The following MLYCD variants were observed in gnomAD, a reference collection of about 807,000 sequenced individuals.
The protein encoded by MLYCD is malonyl-CoA decarboxylase.
MLYCD carries 27 observed loss-of-function variants against 35.8 expected under a neutral mutation model. That is an observed-to-expected ratio of 0.75 (90% CI 0.56 to 1.04). The LOEUF is 1.04. MLYCD is among the 50% of genes least tolerant of loss of function. The pLI, the probability that MLYCD is intolerant of heterozygous loss-of-function variation, is 0.00. For synonymous variants in MLYCD, 403 were observed against 302.4 expected (o/e 1.33, Z -3.45); for missense variants, 917 against 665.1 (o/e 1.38, Z -4.17).
chr16:83,914,815 AAAC>A (rs1201708919), intron 4 of MLYCD, 138 bp from the exon 5 acceptor site: 3 of 1,237,122 alleles, frequency 2.4e-6, no homozygotes, highest in East Asian at 4.7e-5. Context: ...GAAAGAAGAT[AAAC>A]AACATGTATC....
chr16:83,912,896 A>G (rs1205014095), intron 4 of MLYCD: 1 of 196,720 alleles, frequency 5.1e-6, no homozygotes, highest in Non-Finnish European at 1.1e-5. Context: ...CTTTTAATCT[A>G]ACTCTCCTCT....
chr16:83,911,957 C>G (rs954944964), intron 3 of MLYCD: 14 of 499,646 alleles, frequency 2.8e-5, no homozygotes, highest in Non-Finnish European at 4.0e-5. Flanking sequence ...ATACATTGCT[C>G]TTCAACAAAG....
At chr16:83,905,706 C>T (rs1906950356) in intron 1 of MLYCD, among the ~76,000 whole-genome samples, 1 of 152,246 alleles carries the variant, frequency 6.6e-6, no homozygotes, top group South Asian at 2.1e-4. Flanking sequence ...CAGGAGACCT[C>T]TGCTTACCCC....
chr16:83,905,298 T>TGAAA (rs1462292929), intron 1 of MLYCD, among the ~76,000 whole-genome samples: 1 of 152,178 alleles, frequency 6.6e-6, no homozygotes, highest in Non-Finnish European at 1.5e-5. Flanking sequence ...TTATGACCCT[T>TGAAA]GTAGAGAGAT....
At chr16:83,911,825 G>C (rs1335628387) in intron 3 of MLYCD, 1 of 273,430 alleles carries the variant, frequency 3.7e-6, no homozygotes, top group Non-Finnish European at 7.1e-6. Flanking sequence ...TCCTTTAGGA[G>C]AAGCTGAAGG....
At chr16:83,903,750 A>G (rs1906878744) in intron 1 of MLYCD, among the ~76,000 whole-genome samples, 1 of 152,118 alleles carries the variant, frequency 6.6e-6, no homozygotes. Context: ...TAGGCAACAG[A>G]GCAAGACCTG....
chr16:83,912,373 C>T lies in MLYCD; in HGVS notation c.948+6C>T, dbSNP rs1907211729. 6.2e-6 allele frequency: 10 copies of T among 1,614,020 alleles called. No homozygotes were observed. The East Asian group carries it at 1.8e-4, about 29-fold the overall frequency. ...GAGTCGTCAAGGAGTTGCAGGTAAG[C>T]GACACGCAGGGAGCCCCGGTCACGC... On this transcript the variant is annotated splice_donor_region_variant and intron_variant, in intron 4 of 4. Coordinates refer to ENST00000262430, the MANE Select transcript of MLYCD (RefSeq NM_012213.3).
chr16:83,915,308 A>T lies in MLYCD; in HGVS notation c.1301A>T (p.Asn434Ile), dbSNP rs778367364. 3 of 1,613,898 alleles carry T rather than the reference A, an allele frequency of 1.9e-6. No individual in the cohort carries two copies. The highest frequency in any genetic ancestry group is 2.5e-6 in the Non-Finnish European group (3 of 1,179,892). Reference protein sequence around the residue: ...LQNGAVLWRINWMADVSLRGI... With the variant: ...LQNGAVLWRIIWMADVSLRGI... ...AACGGGGCGGTGCTGTGGCGCATCA[A>T]CTGGATGGCGGATGTGAGCCTCAGA... Residue 434 changes from asparagine to isoleucine, a missense_variant, in exon 5 of 5, where the codon AAC (asparagine) becomes ATC (isoleucine). Asn to Ile is a moderately radical substitution (Grantham distance 149, BLOSUM62 -3). Transcript: ENST00000262430.
chr16:83,899,305 A>G lies in MLYCD; in HGVS notation c.161A>G (p.Tyr54Cys), dbSNP rs1273395802. The change falls in exon 1 of 5, where the codon TAC becomes TGC. Residue 54 changes from tyrosine to cysteine, a missense_variant. By Grantham distance (194) the Tyr-to-Cys change is radical (BLOSUM62 -2). Transcript: ENST00000262430. The part of the protein sequence containing the change: ...LRRAVPPTPA[Y>C]ELREKTPAPA... ...CGCGCGGTGCCGCCGACGCCGGCCT[A>G]CGAGCTGCGCGAGAAGACACCGGCG... is the stretch of plus-strand genomic sequence containing the variant. The G allele has an allele frequency of 4.7e-6, 7 of 1,488,594 alleles. No homozygotes were observed. The highest frequency in any genetic ancestry group is 1.5e-5 in the African/African-American group (1 of 68,420). The allele number at this position is 1,488,594 out of a possible 1,614,324, so 92.2% of individuals were successfully genotyped here.
Position 83,926,036 on chromosome 16 carries a change from A to G in MLYCD, c.*10547A>G, listed in dbSNP as rs373084946. The G allele has an allele frequency of 2.6e-5, 4 of 152,240 alleles. No individual in the cohort carries two copies. Among genetic ancestry groups the G allele is most frequent in the East Asian group, 1.9e-4 (1 of 5,188 alleles). 9.4% of individuals were successfully genotyped at this position (152,240 alleles called of 1,614,324 possible). Reference sequence around the variant, plus strand: ...TGCAAGATCATCAGGGCCCCCTCCAATGTGACACTTGCAGAGGGGACCCCT... The same window carrying G: ...TGCAAGATCATCAGGGCCCCCTCCAGTGTGACACTTGCAGAGGGGACCCCT... On this transcript the variant is annotated 3_prime_UTR_variant, in exon 5 of 5. Transcript: ENST00000262430.
rs753568309 is a variant in MLYCD, at chr16:83,915,405, C to G, written c.1398C>G (p.Thr466=). ...YFLEETGPNS[T]SYLGSKIIKA... is the part of the protein sequence containing the mutation. ...TGGAGGAGACGGGCCCCAACAGCAC[C>G]TCCTACCTCGGCTCCAAGATCATCA... The change falls in exon 5 of 5, where the codon ACC becomes ACG. Residue 466 remains threonine, a synonymous_variant. Transcript: ENST00000262430. 4 of 1,613,912 alleles carry G rather than the reference C, an allele frequency of 2.5e-6. No homozygotes were observed. The highest frequency in any genetic ancestry group is 1.3e-5 in the African/African-American group (1 of 75,078).
In MLYCD at chr16:83,925,545, A is replaced by T. The variant is rs990824009; in HGVS notation, c.*10056A>T. ...AGGCAGAGTTGTCATTGTGAAATGC[A>T]AATCAGGTTCCATCTCTCCTCTCCT... is the stretch of plus-strand genomic sequence containing the variant. On this transcript the variant is annotated 3_prime_UTR_variant, in exon 5 of 5. Coordinates refer to ENST00000262430, the MANE Select transcript of MLYCD (RefSeq NM_012213.3). The T allele has an allele frequency of 6.6e-6, 1 of 152,336 alleles. No individual in the cohort carries two copies. The highest frequency in any genetic ancestry group is 1.5e-5 in the Non-Finnish European group (1 of 68,156). The allele number at this position is 152,336 out of a possible 1,614,324, so 9.4% of individuals were successfully genotyped here.
At chr16:83,905,883 C>T (rs916248208) in intron 1 of MLYCD, among the ~76,000 whole-genome samples, 1 of 152,188 alleles carries the variant, frequency 6.6e-6, no homozygotes, top group African/African-American at 2.4e-5. Flanking sequence ...ACCGAGGCGA[C>T]GCTGCTCCTG....
At chr16:83,899,838 T>A (rs1906720494) in intron 1 of MLYCD, among the ~76,000 whole-genome samples, 166 bp downstream of exon 1, 1 of 152,148 alleles carries the variant, frequency 6.6e-6, no homozygotes, top group South Asian at 2.1e-4. Context: ...CCACGCTGTC[T>A]GAGTCCTGGC....
intron 1 of MLYCD, among the ~76,000 whole-genome samples, chr16:83,902,291 TG>T (rs1906823788): frequency 6.6e-6 from 1 of 150,746 alleles, no homozygotes; most frequent in African/African-American, 2.4e-5. Context: ...CTTGAACTCC[TG>T]GCCTCAAGCA....
chr16:83,899,268 G>T lies in MLYCD; in HGVS notation c.124G>T (p.Glu42Ter). ...AAGALERAMD[E>*]LLRRAVPPTP... ...CGGCGCCCTGGAGCGGGCCATGGAC[G>T]AGCTGCTGCGCCGCGCGGTGCCGCC... Residue 42 changes from glutamate to a stop codon, truncating the protein, a stop_gained, in exon 1 of 5, where the codon GAG becomes TAG. Coordinates refer to ENST00000262430, the MANE Select transcript of MLYCD (RefSeq NM_012213.3). LOFTEE classifies it high-confidence loss of function. The T allele has an allele frequency of 6.9e-7, 1 of 1,453,408 alleles. No individual in the cohort carries two copies. Among genetic ancestry groups the T allele is most frequent in the Non-Finnish European group, 9.0e-7 (1 of 1,107,198 alleles). The allele number at this position is 1,453,408 out of a possible 1,614,324, so 90.0% of individuals were successfully genotyped here. A position where few individuals can be genotyped will look rare whatever the true frequency, so the allele number is the denominator to read the frequency against.
chr16:83,919,228 A>G lies in MLYCD; in HGVS notation c.*3739A>G, dbSNP rs139407841. 8.2e-4 allele frequency: 122 copies of G among 148,518 alleles called. No homozygotes were observed. Among genetic ancestry groups the G allele is most frequent in the Non-Finnish European group, 1.6e-3 (105 of 67,656 alleles). The allele number at this position is 148,518 out of a possible 1,614,324, so 9.2% of individuals were successfully genotyped here. A position where few individuals can be genotyped will look rare whatever the true frequency, so the allele number is the denominator to read the frequency against. The stretch of plus-strand genomic sequence containing the variant: ...AGGAGAACACAGTGCACAGGAGAAC[A>G]CACACACACACTGCACAGGAGACCA... On this transcript the variant is annotated 3_prime_UTR_variant, in exon 5 of 5. Transcript: ENST00000262430.
chr16:83,906,636 T>C (rs1242282069), intron 1 of MLYCD, among the ~76,000 whole-genome samples: 1 of 152,214 alleles, frequency 6.6e-6, no homozygotes, highest in African/African-American at 2.4e-5. Context: ...TTACAGTGCA[T>C]CTTTCATTGT....
chr16:83,910,450 GC>G (rs768990865), intron 3 of MLYCD, among the ~76,000 whole-genome samples: 52 of 152,078 alleles, frequency 3.4e-4, no homozygotes, highest in Non-Finnish European at 6.6e-4. Flanking sequence ...ACCCCGGGAG[GC>G]TGAGGAGGCA....
Sources: allele counts gnomAD v4.1 joint callset (sites outside exome capture counted in the v4.1 genomes callset), GRCh38; gene constraint gnomAD v4.1.1; transcripts MANE v1.5; gene names NCBI Gene and HGNC (gene_info 2026-07-23, HGNC 2026-07-21).